Variants in MAP3K15 observed in about 807,000 individuals in gnomAD.
MAP3K15 encodes MAPK/ERK kinase kinase 15.
MAP3K15 carries 124 observed loss-of-function variants against 99.5 expected under a neutral mutation model. The ratio of observed to expected loss-of-function variants is 1.25; its 90% confidence interval spans 1.08 to 1.45. The LOEUF (loss-of-function observed/expected upper bound fraction) is 1.45, where lower values mean the gene tolerates loss of function less well. MAP3K15 is among the 40% of genes most tolerant of loss of function. The pLI is 0.00. For missense variants in MAP3K15, 1,242 were observed against 1,079.7 expected (o/e 1.15, Z -2.11); for synonymous variants, 494 against 439.6 (o/e 1.12, Z -1.55).
rs750511196 is a variant in MAP3K15 at position 19,426,318 on chromosome X, A to G, written c.1192T>C (p.Ser398Pro). The change falls in exon 8 of 29, where the codon TCA becomes CCA. Residue 398 changes from serine to proline, a missense_variant. Physicochemically the swap from Ser to Pro is moderately conservative, Grantham distance 74. Coordinates refer to ENST00000338883, the MANE Select transcript of MAP3K15 (RefSeq NM_001001671.4). ...EWYRKGFELQSSLYSGINLAV... is the reference protein window; with the variant it reads ...EWYRKGFELQPSLYSGINLAV... Reference sequence around the variant, plus strand: ...AGATTAATTCCCGAATAGAGGGATGACTGGAGTTCAAACCCTTTGCGATAC... The same window carrying G: ...AGATTAATTCCCGAATAGAGGGATGGCTGGAGTTCAAACCCTTTGCGATAC... 16 of 1,150,208 alleles carry G rather than the reference A, an allele frequency of 1.4e-5. No homozygotes were observed. The South Asian group carries it at 2.8e-4, about 20-fold the overall frequency. 94.8% of individuals were successfully genotyped at this position (1,150,208 alleles called of 1,213,427 possible).
At chrX:19,390,275 G>A (rs2063517124) in intron 18 of MAP3K15, among the ~76,000 whole-genome samples, 2 of 103,302 alleles carry the variant, frequency 1.9e-5, no homozygotes, top group South Asian at 8.8e-4. Context: ...TTATTTCAGA[G>A]CTATATTATT....
At chrX:19,370,183 G>A (rs193188257) in intron 24 of MAP3K15, among the ~76,000 whole-genome samples, 2 of 111,744 alleles carry the variant, frequency 1.8e-5, no homozygotes, top group Admixed American at 9.5e-5. Context: ...ACCAGAGAAG[G>A]AGAATCAACT....
At chrX:19,486,540 TG>T in intron 2 of MAP3K15, 35 bp from the exon 3 acceptor site, 1 of 765,603 alleles carries the variant, frequency 1.3e-6, no homozygotes, top group Non-Finnish European at 1.8e-6. Context: ...TATAGCTTTT[TG>T]TAAAACAGCT....
intron 26 of MAP3K15, chrX:19,361,833 A>G: frequency 3.3e-6 from 1 of 301,507 alleles, no homozygotes. Context: ...TGTTAGGTCT[A>G]CCACTTTAAA....
intron 6 of MAP3K15, among the ~76,000 whole-genome samples, chrX:19,448,651 G>C (rs2064018749): frequency 9.1e-6 from 1 of 109,356 alleles, no homozygotes. Context: ...GTCAGGTATG[G>C]AAAAATTTTA....
chrX:19,459,219 C>T (rs2064114505), intron 5 of MAP3K15, among the ~76,000 whole-genome samples: 1 of 111,812 alleles, frequency 8.9e-6, no homozygotes, highest in South Asian at 3.7e-4. Flanking sequence ...CCTGACCTAA[C>T]CAACTGCTGT....
intron 1 of MAP3K15, among the ~76,000 whole-genome samples, chrX:19,507,575 C>CAAAAAAAAAAAAAAAAAA (rs1165492097): frequency 9.2e-5 from 1 of 10,893 alleles, no homozygotes; most frequent in African/African-American, 3.2e-4. Context: ...CACCTTGTCT[C>CAAAAAAAAAAAAAAAAAA]AAAAAAAAAA....
chrX:19,389,997 G>A (rs1201190329), intron 18 of MAP3K15, among the ~76,000 whole-genome samples: 4 of 111,953 alleles, frequency 3.6e-5, no homozygotes, highest in Non-Finnish European at 5.6e-5. Context: ...TTCTGATAGT[G>A]TCCCTGGTAT....
chrX:19,504,116 G>A (rs1482114327), intron 1 of MAP3K15, among the ~76,000 whole-genome samples: 6 of 105,919 alleles, frequency 5.7e-5, no homozygotes, highest in Non-Finnish European at 9.7e-5. Flanking sequence ...AAGACCCTGT[G>A]GGAGGGGAGG....
intron 3 of MAP3K15, among the ~76,000 whole-genome samples, chrX:19,483,610 A>T (rs1350079390): frequency 9.1e-6 from 1 of 110,124 alleles, no homozygotes; most frequent in Non-Finnish European, 1.9e-5. Flanking sequence ...TTCCAAAATG[A>T]TCATAAACCC....
intron 9 of MAP3K15, among the ~76,000 whole-genome samples, chrX:19,424,291 T>TACACACATATATATAC (rs1555952980): frequency 1.0e-5 from 1 of 98,574 alleles, no homozygotes; most frequent in African/African-American, 4.4e-5. Context: ...CACATATATA[T>TACACACATATATATAC]ACACATATAT....
chrX:19,512,814 A>G (rs1309448550), intron 1 of MAP3K15, among the ~76,000 whole-genome samples: 2 of 111,295 alleles, frequency 1.8e-5, no homozygotes, highest in Non-Finnish European at 3.8e-5. Context: ...TTTTTACCGT[A>G]TTCTAATCAG....
At chrX:19,473,102 G>C (rs2064218634) in intron 3 of MAP3K15, among the ~76,000 whole-genome samples, 1 of 112,223 alleles carries the variant, frequency 8.9e-6, no homozygotes, top group Admixed American at 9.5e-5. Flanking sequence ...GAAAAGAAAT[G>C]CATGAACTCT....
rs143534833 is a variant in MAP3K15, at chrX:19,489,554, T to C, written c.362-587A>G. 2.9e-3 allele frequency among the ~76,000 whole-genome samples: 325 copies of C among 111,149 alleles called. 3 individuals are homozygous for C. Among genetic ancestry groups the C allele is most frequent in the African/African-American group, 9.8e-3 (300 of 30,583 alleles). On this transcript the variant is annotated intron_variant, in intron 1 of 28. Coordinates refer to ENST00000338883, the MANE Select transcript of MAP3K15 (RefSeq NM_001001671.4). Reference sequence around the variant, plus strand: ...AGGCCTTTGGGAGGTGATTAGGTCATGAGGATGGAGGCCTCATAAATTGGA... The same window carrying C: ...AGGCCTTTGGGAGGTGATTAGGTCACGAGGATGGAGGCCTCATAAATTGGA...
At chrX:19,445,589 CAAAAAAA>C (rs764600771) in intron 6 of MAP3K15, among the ~76,000 whole-genome samples, 1 of 38,515 alleles carries the variant, frequency 2.6e-5, no homozygotes. Context: ...GACTCTGTCT[CAAAAAAA>C]AAAAAAAAAA....
intron 25 of MAP3K15, among the ~76,000 whole-genome samples, chrX:19,367,725 T>G (rs986413572): frequency 2.7e-5 from 1 of 36,459 alleles, no homozygotes; most frequent in Non-Finnish European, 4.0e-5. Context: ...AACTATGGAT[T>G]TTTTTTTTTT....
At chrX:19,500,147 T>G (rs763479643) in intron 1 of MAP3K15, among the ~76,000 whole-genome samples, 25 of 111,501 alleles carry the variant, frequency 2.2e-4, no homozygotes, top group Non-Finnish European at 4.5e-4. Flanking sequence ...CTCAGGAAGC[T>G]GAGGGAAGAG....
At chrX:19,511,638 G>A (rs1279798723) in intron 1 of MAP3K15, among the ~76,000 whole-genome samples, 1 of 112,236 alleles carries the variant, frequency 8.9e-6, no homozygotes, top group Non-Finnish European at 1.9e-5. Flanking sequence ...ACGCCAGTTA[G>A]AATGGCGATC....
At chrX:19,466,052 C>A (rs767123538) in intron 3 of MAP3K15, among the ~76,000 whole-genome samples, 47 of 110,483 alleles carry the variant, frequency 4.3e-4, no homozygotes, top group African/African-American at 1.5e-3. Flanking sequence ...CTCCTGGGCT[C>A]AAGCGATCCT....
Sources: gnomAD v4.1 joint callset for allele counts (sites outside exome capture counted in the v4.1 genomes callset) on GRCh38, gnomAD v4.1.1 for gene constraint, MANE v1.5 for transcripts, NCBI Gene and HGNC (gene_info 2026-07-23, HGNC 2026-07-21) for gene names.